KCNQ1: variants seen among roughly 807,000 people sequenced by gnomAD.
The protein encoded by KCNQ1 is potassium voltage-gated channel subfamily KQT member 1.
In KCNQ1, 49 loss-of-function variants were observed where a neutral mutation model predicts 72.4. That is an observed-to-expected ratio of 0.68 (90% CI 0.54 to 0.86). The LOEUF (loss-of-function observed/expected upper bound fraction) is 0.86, where lower values mean the gene tolerates loss of function less well. Among genes scored for constraint, KCNQ1 ranks in the 40% least tolerant of loss-of-function variants. The pLI is 0.00. For synonymous variants in KCNQ1, 450 were observed against 412.6 expected, an observed-to-expected ratio of 1.09 and a Z score of -1.10; for missense variants, 790 against 945.1, an observed-to-expected ratio of 0.84 and a Z score of 2.15.
chr11:2,829,915 G>A (rs1335269319), intron 15 of KCNQ1, among the ~76,000 whole-genome samples: 2 of 134,714 alleles, frequency 1.5e-5, no homozygotes, highest in Non-Finnish European at 3.2e-5. Context: ...AGAGAATAGG[G>A]AATTCTGCCA....
intron 11 of KCNQ1, among the ~76,000 whole-genome samples, chr11:2,706,085 G>A (rs773514411): frequency 1.3e-5 from 2 of 152,246 alleles, no homozygotes; most frequent in Non-Finnish European, 2.9e-5. Context: ...CTGGGGTACC[G>A]TGTGGCTGTG....
intron 15 of KCNQ1, among the ~76,000 whole-genome samples, chr11:2,812,365 C>T (rs1023665028): frequency 1.3e-5 from 2 of 152,106 alleles, no homozygotes; most frequent in African/African-American, 4.8e-5. Flanking sequence ...ACCTGGGACG[C>T]CGAGGAGGGT....
chr11:2,523,838 G>A (rs994811905), intron 1 of KCNQ1, among the ~76,000 whole-genome samples: 3 of 143,138 alleles, frequency 2.1e-5, no homozygotes, highest in Admixed American at 7.4e-5. Context: ...CCTGCCCATG[G>A]CCCCCTTCCC....
Position 2,599,886 on chromosome 11 carries a change from C to T in KCNQ1, c.1393+11032C>T, listed in dbSNP as rs780875382. Among the ~76,000 whole-genome samples, 13 of 152,208 alleles carry T rather than the reference C, an allele frequency of 8.5e-5. No individual in the cohort carries two copies. Among genetic ancestry groups the T allele is most frequent in the Non-Finnish European group, 1.5e-4 (10 of 68,048 alleles). ...TCTCCAAACATGCTGAGTCACGTGC[C>T]GAGGTATTAAAGACCAGGGCTTCAA... On this transcript the variant is annotated intron_variant, in intron 10 of 15. Coordinates refer to ENST00000155840, the MANE Select transcript of KCNQ1 (RefSeq NM_000218.3). This position sits in a 1 kb window ranked among gnomAD's most constrained non-coding sequence, Gnocchi z 4.7.
chr11:2,582,253 G>A (rs1228724053), intron 6 of KCNQ1, among the ~76,000 whole-genome samples: 1 of 152,226 alleles, frequency 6.6e-6, no homozygotes, highest in Non-Finnish European at 1.5e-5. Context: ...GTGCACCCCT[G>A]CCCGGGGGTG....
At chr11:2,589,358 T>C (rs1848641465) in intron 10 of KCNQ1, among the ~76,000 whole-genome samples, 1 of 152,142 alleles carries the variant, frequency 6.6e-6, no homozygotes, top group African/African-American at 2.4e-5. Context: ...TGCGTGATGG[T>C]GTGGCTCGGA....
chr11:2,566,104 C>T lies in KCNQ1; in HGVS notation c.478-4524C>T, dbSNP rs1848243343. ...CACAGGGCTGAGACACCTCCCTGTC[C>T]CCTGGCAGGGCTGGAGGCTCTGGAG... On this transcript the variant is annotated intron_variant, in intron 2 of 15. Transcript: ENST00000155840. This position sits in a 1 kb window ranked among gnomAD's most constrained non-coding sequence, Gnocchi z 6.7. Among the ~76,000 whole-genome samples the T allele has an allele frequency of 6.6e-6, 1 of 152,178 alleles. No homozygotes were observed. The highest frequency in any genetic ancestry group is 1.5e-5 in the Non-Finnish European group (1 of 68,016).
intron 1 of KCNQ1, among the ~76,000 whole-genome samples, chr11:2,474,931 A>G (rs986441968): frequency 6.6e-6 from 1 of 152,218 alleles, no homozygotes; most frequent in African/African-American, 2.4e-5. Context: ...AGTGAGGAGC[A>G]GAGCCAGATG....
In KCNQ1 at chr11:2,612,208, T is replaced by C. The variant is rs1055454880; in HGVS notation, c.1393+23354T>C. Reference sequence around the variant, plus strand: ...CAAGCAAGCATTACTGCCTGAGCTCTGCCTCCTGTCTGATCAGTGATGGCA... The same window carrying C: ...CAAGCAAGCATTACTGCCTGAGCTCCGCCTCCTGTCTGATCAGTGATGGCA... On this transcript the variant is annotated intron_variant, in intron 10 of 15. Coordinates refer to ENST00000155840, the MANE Select transcript of KCNQ1 (RefSeq NM_000218.3). The surrounding 1 kb of genome is among the most constrained non-coding windows in gnomAD (Gnocchi z 5.5). 4 of 398,580 alleles carry C rather than the reference T, an allele frequency of 1.0e-5. No individual in the cohort carries two copies. Among genetic ancestry groups the C allele is most frequent in the Non-Finnish European group, 8.8e-6 (2 of 226,108 alleles). 24.7% of individuals were successfully genotyped at this position (398,580 alleles called of 1,614,324 possible).
At chr11:2,844,680 C>T (rs1341490093) in intron 15 of KCNQ1, among the ~76,000 whole-genome samples, 6 of 152,342 alleles carry the variant, frequency 3.9e-5, no homozygotes, top group South Asian at 2.1e-4. Context: ...TGCCTGCCTG[C>T]GGCCCTGACA....
chr11:2,651,235 A>C lies in KCNQ1; in HGVS notation c.1394-10726A>C, dbSNP rs558318258. 13 of 398,688 alleles carry C rather than the reference A, an allele frequency of 3.3e-5. No individual in the cohort carries two copies. In the South Asian group the frequency reaches 1.7e-3, roughly 51 times the overall value. The allele number at this position is 398,688 out of a possible 1,614,324, so 24.7% of individuals were successfully genotyped here. On this transcript the variant is annotated intron_variant, in intron 10 of 15. Coordinates refer to ENST00000155840, the MANE Select transcript of KCNQ1 (RefSeq NM_000218.3). This position sits in a 1 kb window ranked among gnomAD's most constrained non-coding sequence, Gnocchi z 6.1. ...CTTGTGTCAGTCTCACAGCACACAC[A>C]GCTTAATTCAGGAATTAAGCTGTGC...
intron 11 of KCNQ1, among the ~76,000 whole-genome samples, chr11:2,740,994 G>C (rs1391052561): frequency 1.3e-5 from 2 of 152,216 alleles, no homozygotes; most frequent in Non-Finnish European, 2.9e-5. Context: ...AGTGGCAAAG[G>C]GGAATTGAGT....
Position 2,579,942 on chromosome 11 carries a change from C to T in KCNQ1, c.922-3493C>T. On this transcript the variant is annotated intron_variant, in intron 6 of 15. Transcript: ENST00000155840. This position sits in a 1 kb window ranked among gnomAD's most constrained non-coding sequence, Gnocchi z 6.0. ...TCACCTGACCCCAACTCCACTCTGA[C>T]TTCCAGGCCAGCCCCACTCCATTCC... is the stretch of plus-strand genomic sequence containing the variant. Among the ~76,000 whole-genome samples the T allele has an allele frequency of 6.6e-6, 1 of 152,208 alleles. No individual in the cohort carries two copies. The highest frequency in any genetic ancestry group is 1.9e-4 in the East Asian group (1 of 5,194).
chr11:2,478,016 G>T lies in KCNQ1; in HGVS notation c.386+32532G>T, dbSNP rs1846597626. Among the ~76,000 whole-genome samples, 1 of 152,128 alleles carries T rather than the reference G, an allele frequency of 6.6e-6. No homozygotes were observed. The highest frequency in any genetic ancestry group is 2.1e-4 in the South Asian group (1 of 4,814). ...AAAGGAAAAAGAATCACTTTCTAGA[G>T]GCAAAGCTGGCGACACCACCCGAGC... On this transcript the variant is annotated intron_variant, in intron 1 of 15. Transcript: ENST00000155840. This position sits in a 1 kb window ranked among gnomAD's most constrained non-coding sequence, Gnocchi z 4.0.
intron 2 of KCNQ1, among the ~76,000 whole-genome samples, chr11:2,561,386 C>T (rs958204940): frequency 1.3e-5 from 2 of 152,136 alleles, no homozygotes; most frequent in Admixed American, 6.5e-5. Context: ...AGTCTGTACC[C>T]CACCTGTACT....
rs573702770 is a variant in KCNQ1, at chr11:2,712,483, T to G, written c.1514+50402T>G. 7.9e-5 allele frequency among the ~76,000 whole-genome samples: 12 copies of G among 152,106 alleles called. No homozygotes were observed. The highest frequency in any genetic ancestry group is 1.8e-4 in the Non-Finnish European group (12 of 68,000). ...GCCCCCAGTAATCATAGTGAGGTAT[T>G]TAGGGATAGAGTGGAGATCTCGCCC... is the stretch of plus-strand genomic sequence containing the variant. On this transcript the variant is annotated intron_variant, in intron 11 of 15. Coordinates refer to ENST00000155840, the MANE Select transcript of KCNQ1 (RefSeq NM_000218.3). The surrounding 1 kb of genome is among the most constrained non-coding windows in gnomAD (Gnocchi z 6.4).
chr11:2,651,400 C>T lies in KCNQ1; in HGVS notation c.1394-10561C>T, dbSNP rs545962650. On this transcript the variant is annotated intron_variant, in intron 10 of 15. Transcript: ENST00000155840. This position sits in a 1 kb window ranked among gnomAD's most constrained non-coding sequence, Gnocchi z 6.1. The stretch of plus-strand genomic sequence containing the variant: ...TGCTGCCCCGGTGGTGGCTCACTTT[C>T]CATTCCTTTTGGCCTGCCCTGTGTG... The T allele has an allele frequency of 2.3e-5, 9 of 398,716 alleles. No individual in the cohort carries two copies. The South Asian group carries it at 3.8e-4, about 17-fold the overall frequency. The allele number at this position is 398,716 out of a possible 1,614,324, so 24.7% of individuals were successfully genotyped here. A position where few individuals can be genotyped will look rare whatever the true frequency, so the allele number is the denominator to read the frequency against.
intron 10 of KCNQ1, chr11:2,630,839 G>T (rs1024742207): frequency 7.8e-5 from 31 of 398,340 alleles, no homozygotes; most frequent in African/African-American, 6.4e-4. Context: ...CTGAAGGACA[G>T]CTTTGCTGTG....
rs1210550681 is a variant in KCNQ1 at position 2,658,298 on chromosome 11, C to T, written c.1394-3663C>T. On this transcript the variant is annotated intron_variant, in intron 10 of 15. Transcript: ENST00000155840. This position sits in a 1 kb window ranked among gnomAD's most constrained non-coding sequence, Gnocchi z 4.9. ...CTTCTACATTTTTTATTTGGAATTC[C>T]TTTATAAGGAAGATTTGTCCCTCTC... 1.0e-5 allele frequency: 4 copies of T among 398,258 alleles called. No homozygotes were observed. The highest frequency in any genetic ancestry group is 1.8e-5 in the Non-Finnish European group (4 of 226,008). 24.7% of individuals were successfully genotyped at this position (398,258 alleles called of 1,614,324 possible).
Sources: gnomAD v4.1 joint callset for allele counts (sites outside exome capture counted in the v4.1 genomes callset) on GRCh38, gnomAD v4.1.1 for gene constraint, Gnocchi (gnomAD v3.1) non-coding constraint, MANE v1.5 for transcripts, NCBI Gene and HGNC (gene_info 2026-07-23, HGNC 2026-07-21) for gene names.